The following HMG20A variants were observed in gnomAD, a reference collection of about 807,000 sequenced individuals.
The protein encoded by HMG20A is high mobility group 20A.
Under a neutral mutation model 43.9 loss-of-function variants are expected in HMG20A, and 17 were observed. The observed-to-expected ratio is 0.39, with a 90% CI of 0.27 to 0.58. The LOEUF is 0.58. Ranked by LOEUF, HMG20A falls within the 20% of genes least tolerant of loss-of-function variation. The pLI is 0.59. For synonymous variants in HMG20A, 132 were observed against 147.5 expected, an observed-to-expected ratio of 0.89 and a Z score of 0.76; for missense variants, 341 against 438.2, an observed-to-expected ratio of 0.78 and a Z score of 1.98.
chr15:77,497,385 G>C, the HMG20A span, among the ~76,000 whole-genome samples: 4 of 152,192 alleles, frequency 2.6e-5, no homozygotes, highest in East Asian at 1.9e-4. Flanking sequence ...AGCAGCCCTC[G>C]GGCCATACCC....
chr15:77,479,248 C>G lies in HMG20A; in HGVS notation c.977C>G (p.Ala326Gly), dbSNP rs1595933300. 6.2e-7 allele frequency: 1 copy of G among 1,613,908 alleles called. No individual in the cohort carries two copies. Among genetic ancestry groups the G allele is most frequent in the East Asian group, 2.2e-5 (1 of 44,870 alleles). ...AACAGACTGCACAGTATTATTTTAG[C>G]TAATCCCCAAGACAATGAAAACTTC... ...YMNRLHSIILANPQDNENFIA... is the reference protein window; with the variant it reads ...YMNRLHSIILGNPQDNENFIA... The change falls in exon 9 of 10, where the codon GCT becomes GGT. Residue 326 changes from alanine to glycine, a missense_variant. Physicochemically the swap from Ala to Gly is moderately conservative, Grantham distance 60 (BLOSUM62 0). Coordinates refer to ENST00000336216, the MANE Select transcript of HMG20A (RefSeq NM_001304504.2).
chr15:77,500,692 C>T, the HMG20A span, among the ~76,000 whole-genome samples: 1 of 152,054 alleles, frequency 6.6e-6, no homozygotes, highest in Admixed American at 6.6e-5. Context: ...CCTCAGCCTC[C>T]CAAGTAGCTG....
In HMG20A at chr15:77,447,385, T is replaced by A. The variant is rs114940546; in HGVS notation, c.-4-11019T>A. Among the ~76,000 whole-genome samples the A allele has an allele frequency of 1.5e-3, 226 of 152,292 alleles. 2 individuals are homozygous for A. Among genetic ancestry groups the A allele is most frequent in the African/African-American group, 5.3e-3 (219 of 41,564 alleles). Reference sequence around the variant, plus strand: ...TACAAAAACTGATACAAAATACTATTCTTAGATGTTTTGGTTTTGTGGAGT... The same window carrying A: ...TACAAAAACTGATACAAAATACTATACTTAGATGTTTTGGTTTTGTGGAGT... On this transcript the variant is annotated intron_variant, in intron 1 of 9. Transcript: ENST00000336216.
intron 4 of HMG20A, 56 bp downstream of exon 4, chr15:77,467,363 C>A: frequency 7.0e-7 from 1 of 1,436,894 alleles, no homozygotes; most frequent in Non-Finnish European, 9.7e-7. Flanking sequence ...TCAGAAATAA[C>A]TTATATAAGA....
intron 1 of HMG20A, among the ~76,000 whole-genome samples, chr15:77,426,849 A>G (rs1452420007): frequency 1.3e-5 from 2 of 152,184 alleles, no homozygotes; most frequent in Non-Finnish European, 2.9e-5. Context: ...ATAAGCAGCT[A>G]GGTACAGGGC....
the HMG20A span, among the ~76,000 whole-genome samples, chr15:77,515,395 T>G: frequency 6.6e-6 from 1 of 150,754 alleles, no homozygotes; most frequent in Non-Finnish European, 1.5e-5. Context: ...TAAAAAAAGT[T>G]ATCTTATTTT....
At chr15:77,460,005 G>T (rs2072690863) in intron 2 of HMG20A, among the ~76,000 whole-genome samples, 1 of 152,166 alleles carries the variant, frequency 6.6e-6, no homozygotes, top group African/African-American at 2.4e-5. Flanking sequence ...GTTTCACACA[G>T]AATTATATGA....
chr15:77,448,399 G>C (rs2073698694), intron 1 of HMG20A, among the ~76,000 whole-genome samples: 1 of 151,406 alleles, frequency 6.6e-6, no homozygotes, highest in Non-Finnish European at 1.5e-5. Flanking sequence ...TGTTTCCTCT[G>C]CTAGGGCCAC....
At chr15:77,469,947 C>T (rs1482418383) in intron 4 of HMG20A, among the ~76,000 whole-genome samples, 1 of 151,948 alleles carries the variant, frequency 6.6e-6, no homozygotes, top group Non-Finnish European at 1.5e-5. Flanking sequence ...GGATTACGTG[C>T]GTGAGCCACC....
At chr15:77,467,514 T>A in intron 4 of HMG20A, among the ~76,000 whole-genome samples, 1 of 151,942 alleles carries the variant, frequency 6.6e-6, no homozygotes, top group Non-Finnish European at 1.5e-5. Flanking sequence ...AGGGAAGGAG[T>A]CTAGGACTCC....
At chr15:77,453,236 T>A (rs968541675) in intron 1 of HMG20A, among the ~76,000 whole-genome samples, 4 of 151,818 alleles carry the variant, frequency 2.6e-5, no homozygotes, top group African/African-American at 4.8e-5. Context: ...ATCTAAAAAA[T>A]AATAATAATA....
intron 4 of HMG20A, among the ~76,000 whole-genome samples, chr15:77,468,710 A>G (rs1439030358): frequency 6.6e-6 from 1 of 152,072 alleles, no homozygotes; most frequent in Non-Finnish European, 1.5e-5. Flanking sequence ...CTTTACCCCC[A>G]GGATATTTCA....
At chr15:77,494,867 G>A in the HMG20A span, among the ~76,000 whole-genome samples, 5 of 152,208 alleles carry the variant, frequency 3.3e-5, no homozygotes, top group African/African-American at 1.2e-4. Flanking sequence ...ATGGGGCCAA[G>A]ATTAATCATG....
chr15:77,424,941 A>C (rs1451582577), intron 1 of HMG20A, among the ~76,000 whole-genome samples: 2 of 152,088 alleles, frequency 1.3e-5, no homozygotes, highest in Admixed American at 1.3e-4. Flanking sequence ...TACACATCCA[A>C]ACGGGATCGC....
Position 77,472,966 on chromosome 15 carries a change from A to C in HMG20A, c.615+1152A>C, listed in dbSNP as rs548688027. On this transcript the variant is annotated intron_variant, in intron 6 of 9. Transcript: ENST00000336216. ...CTTTGCCTTGAGAAGGTATTCCACAAATGATTATTTTATGGAATCTATTCA... is the reference window on the plus strand; with the variant it reads ...CTTTGCCTTGAGAAGGTATTCCACACATGATTATTTTATGGAATCTATTCA... Among the ~76,000 whole-genome samples the C allele has an allele frequency of 3.9e-5, 6 of 152,276 alleles. No individual in the cohort carries two copies. In the South Asian group the frequency reaches 1.2e-3, roughly 32 times the overall value.
the HMG20A span, among the ~76,000 whole-genome samples, chr15:77,498,147 ATGT>A: frequency 6.6e-6 from 1 of 152,174 alleles, no homozygotes; most frequent in Non-Finnish European, 1.5e-5. Flanking sequence ...CTGCTCCAGC[ATGT>A]TTAAAAATAG....
At chr15:77,490,641 G>A in the HMG20A span, among the ~76,000 whole-genome samples, 73 of 152,272 alleles carry the variant, frequency 4.8e-4, 1 homozygote, top group Middle Eastern at 6.8e-3. Context: ...TGGGCAACGT[G>A]GTGAAACCCC....
chr15:77,430,784 G>T (rs1294583801), intron 1 of HMG20A, among the ~76,000 whole-genome samples: 2 of 152,138 alleles, frequency 1.3e-5, no homozygotes, highest in Non-Finnish European at 2.9e-5. Context: ...AAGTTAATTT[G>T]TATTGCTTTA....
At chr15:77,487,691 G>A (rs1168523748), downstream of HMG20A, among the ~76,000 whole-genome samples, 1 of 152,184 alleles carries the variant, frequency 6.6e-6, no homozygotes, top group Non-Finnish European at 1.5e-5. Context: ...CTAAGGGTGG[G>A]GAAATTGAAG....
Sources: gnomAD v4.1 joint callset for allele counts (sites outside exome capture counted in the v4.1 genomes callset) on GRCh38, gnomAD v4.1.1 for gene constraint, MANE v1.5 for transcripts, NCBI Gene and HGNC (gene_info 2026-07-23, HGNC 2026-07-21) for gene names.